SLC35F3: variants seen among roughly 807,000 people sequenced by gnomAD.
The protein encoded by SLC35F3 is solute carrier family 35 member F3.
In SLC35F3, 25 loss-of-function variants were observed where a neutral mutation model predicts 49.9. The observed-to-expected ratio is 0.50, with a 90% CI of 0.37 to 0.70. SLC35F3 has a LOEUF of 0.70. SLC35F3 is among the 30% of genes least tolerant of loss of function. The pLI, the probability that SLC35F3 is intolerant of heterozygous loss-of-function variation, is 0.00. For missense variants in SLC35F3, 525 were observed against 639.8 expected, an observed-to-expected ratio of 0.82 and a Z score of 1.94; for synonymous variants, 275 against 265.4, an observed-to-expected ratio of 1.04 and a Z score of -0.35.
intron 2 of SLC35F3, among the ~76,000 whole-genome samples, chr1:234,154,814 C>T (rs544161752): frequency 2.0e-5 from 3 of 152,268 alleles, no homozygotes; most frequent in East Asian, 1.9e-4. Flanking sequence ...CCCAAGAGCC[C>T]TCCTTGATCC....
At chr1:234,286,406 C>T (rs888382217) in intron 3 of SLC35F3, among the ~76,000 whole-genome samples, 1 of 151,728 alleles carries the variant, frequency 6.6e-6, no homozygotes, top group South Asian at 2.1e-4. Flanking sequence ...GGGGCGGGGG[C>T]GGGCAGCCCG....
chr1:234,275,412 T>C (rs1668188316), intron 3 of SLC35F3, among the ~76,000 whole-genome samples: 1 of 152,152 alleles, frequency 6.6e-6, no homozygotes, highest in African/African-American at 2.4e-5. Flanking sequence ...CTATATCTCA[T>C]TCATTAAGAT....
At chr1:234,023,746 G>GA (rs948497960) in intron 2 of SLC35F3, among the ~76,000 whole-genome samples, 1 of 151,762 alleles carries the variant, frequency 6.6e-6, no homozygotes, top group Non-Finnish European at 1.5e-5. Flanking sequence ...ATGCACCCTT[G>GA]ACACGATGTG....
intron 2 of SLC35F3, among the ~76,000 whole-genome samples, chr1:233,944,251 T>G (rs1035011060): frequency 1.1e-4 from 17 of 152,182 alleles, no homozygotes; most frequent in Admixed American, 3.3e-4. Context: ...AATCCAGGAG[T>G]TGTTTTTTTG....
At chr1:234,318,441 G>A (rs901017250) in intron 5 of SLC35F3, among the ~76,000 whole-genome samples, 10 of 152,288 alleles carry the variant, frequency 6.6e-5, no homozygotes, top group East Asian at 1.9e-4. Context: ...GAGAGGATGC[G>A]TAATCATGGC....
At chr1:234,172,104 C>A (rs866333753) in intron 2 of SLC35F3, among the ~76,000 whole-genome samples, 3 of 152,168 alleles carry the variant, frequency 2.0e-5, no homozygotes, top group African/African-American at 7.2e-5. Flanking sequence ...CCTTTCCTGG[C>A]CTCTAGCACC....
intron 2 of SLC35F3, among the ~76,000 whole-genome samples, chr1:234,065,231 C>T (rs900671029): frequency 2.0e-5 from 3 of 152,028 alleles, no homozygotes; most frequent in Non-Finnish European, 1.5e-5. Flanking sequence ...ACTGCAACTT[C>T]GGCCTCCTGG....
intron 3 of SLC35F3, among the ~76,000 whole-genome samples, chr1:234,295,185 C>T (rs555933630): frequency 1.3e-5 from 2 of 152,326 alleles, no homozygotes; most frequent in East Asian, 1.9e-4. Flanking sequence ...GTTCCTGCTC[C>T]TCTGAGAAAG....
At chr1:234,241,157 C>T (rs1280965950) in intron 3 of SLC35F3, among the ~76,000 whole-genome samples, 1 of 152,106 alleles carries the variant, frequency 6.6e-6, no homozygotes, top group African/African-American at 2.4e-5. Context: ...TATACAAATC[C>T]TAGCTAAATT....
chr1:234,067,089 T>C (rs1445003369), intron 2 of SLC35F3, among the ~76,000 whole-genome samples: 1 of 152,196 alleles, frequency 6.6e-6, no homozygotes, highest in Admixed American at 6.5e-5. Flanking sequence ...TCAAAGTTTA[T>C]CACCACAATC....
intron 2 of SLC35F3, among the ~76,000 whole-genome samples, chr1:234,138,766 G>C (rs573676460): frequency 3.3e-5 from 5 of 152,230 alleles, no homozygotes; most frequent in Admixed American, 1.3e-4. Context: ...GCACAGGCTG[G>C]TCTTGAACTC....
intron 3 of SLC35F3, among the ~76,000 whole-genome samples, chr1:234,289,547 G>T (rs920027456): frequency 6.6e-6 from 1 of 152,130 alleles, no homozygotes; most frequent in Non-Finnish European, 1.5e-5. Flanking sequence ...CAGCGTTATG[G>T]CACAGAAATC....
intron 2 of SLC35F3, among the ~76,000 whole-genome samples, chr1:233,919,373 A>G (rs1406751885): frequency 1.3e-5 from 2 of 152,230 alleles, no homozygotes; most frequent in Non-Finnish European, 2.9e-5. Context: ...ACCTCTGGCC[A>G]CATCACTGTC....
intron 2 of SLC35F3, among the ~76,000 whole-genome samples, chr1:234,196,172 C>G (rs1666807107): frequency 6.6e-6 from 1 of 152,164 alleles, no homozygotes; most frequent in Admixed American, 6.5e-5. Flanking sequence ...GTTAATTTAC[C>G]ATTGCCATGG....
chr1:234,189,232 G>T (rs374595322), intron 2 of SLC35F3, among the ~76,000 whole-genome samples: 1 of 151,960 alleles, frequency 6.6e-6, no homozygotes, highest in East Asian at 1.9e-4. Flanking sequence ...TGAATTGCCA[G>T]AACAAGAATT....
intron 2 of SLC35F3, among the ~76,000 whole-genome samples, chr1:234,013,851 CAAAA>C (rs58366458): frequency 1.4e-5 from 2 of 139,300 alleles, no homozygotes; most frequent in Non-Finnish European, 1.6e-5. Flanking sequence ...ACTTTCCCAT[CAAAA>C]AAAAAAAAAG....
At chr1:234,049,704 T>C (rs1477192078) in intron 2 of SLC35F3, among the ~76,000 whole-genome samples, 1 of 152,166 alleles carries the variant, frequency 6.6e-6, no homozygotes. Flanking sequence ...TTGTTACATA[T>C]GTATACATGT....
chr1:234,255,193 A>G (rs1667799731), intron 3 of SLC35F3, among the ~76,000 whole-genome samples: 1 of 152,234 alleles, frequency 6.6e-6, no homozygotes, highest in Non-Finnish European at 1.5e-5. Context: ...AAAGTAGGCA[A>G]AAGATCAAAA....
rs375863044 is a variant in SLC35F3, at chr1:234,052,291, A to G, written c.283+146533A>G. 5.8e-4 allele frequency among the ~76,000 whole-genome samples: 88 copies of G among 152,302 alleles called. 2 individuals are homozygous for G. The East Asian group carries it at 6.5e-3, about 11-fold the overall frequency. On this transcript the variant is annotated intron_variant, in intron 2 of 7. Coordinates refer to ENST00000366618, the MANE Select transcript of SLC35F3 (RefSeq NM_173508.4). ...CCTGGACTTTTTTTGTTGGTATGCT[A>G]TTAATTATTGCCTCAATTTCAGAGC...
Sources: gnomAD v4.1 joint callset for allele counts (sites outside exome capture counted in the v4.1 genomes callset) on GRCh38, gnomAD v4.1.1 for gene constraint, MANE v1.5 for transcripts, NCBI Gene and HGNC (gene_info 2026-07-23, HGNC 2026-07-21) for gene names.